MIA2: variants seen among roughly 807,000 people sequenced by gnomAD.
MIA2 encodes the protein MIA SH3 domain ER export factor 2.
In MIA2, 127 loss-of-function variants were observed where a neutral mutation model predicts 167.8. The observed-to-expected ratio is 0.76, with a 90% CI of 0.66 to 0.88. MIA2 has a LOEUF of 0.88. Among genes scored for constraint, MIA2 ranks in the 40% least tolerant of loss-of-function variants. The pLI, the probability that MIA2 is intolerant of heterozygous loss-of-function variation, is 0.00. For synonymous variants in MIA2, 552 were observed against 541.9 expected, an observed-to-expected ratio of 1.02 and a Z score of -0.26; for missense variants, 1,690 against 1,624.7, an observed-to-expected ratio of 1.04 and a Z score of -0.69.
chr14:39,385,465 C>G (rs1006326807), intron 23 of MIA2: 1 of 1,079,716 alleles, frequency 9.3e-7, no homozygotes, highest in Non-Finnish European at 1.4e-6. Flanking sequence ...AATCAACTCT[C>G]TCCAAAATAC....
intron 6 of MIA2, chr14:39,267,402 T>C (rs2056026619): frequency 6.2e-7 from 1 of 1,607,492 alleles, no homozygotes; most frequent in African/African-American, 1.3e-5. Context: ...CTCCGCCGTT[T>C]ATTGTGGCCC....
At chr14:39,321,706 TATA>T (rs1227253568) in intron 24 of MIA2, among the ~76,000 whole-genome samples, 14 of 152,024 alleles carry the variant, frequency 9.2e-5, no homozygotes, top group South Asian at 4.1e-4. Context: ...CTGCATGAAA[TATA>T]ATAACAGTAT....
At chr14:39,337,350 C>T (rs887461679) in intron 25 of MIA2, among the ~76,000 whole-genome samples, 3 of 152,148 alleles carry the variant, frequency 2.0e-5, no homozygotes, top group Non-Finnish European at 4.4e-5. Context: ...GACTTCAACA[C>T]CCCTCTCTCG....
chr14:39,286,225 T>G (rs1216477841), intron 9 of MIA2, among the ~76,000 whole-genome samples: 1 of 152,222 alleles, frequency 6.6e-6, no homozygotes, highest in East Asian at 1.9e-4. Flanking sequence ...GGCAGATCAC[T>G]CTTGGTTAGG....
chr14:39,242,165 A>G (rs540236348), intron 3 of MIA2, among the ~76,000 whole-genome samples: 2 of 152,354 alleles, frequency 1.3e-5, no homozygotes, highest in South Asian at 2.1e-4. Flanking sequence ...CAGTTTATGT[A>G]TACCAATTAT....
chr14:39,276,019 G>A (rs2057952639), intron 6 of MIA2, among the ~76,000 whole-genome samples: 1 of 152,160 alleles, frequency 6.6e-6, no homozygotes, highest in Non-Finnish European at 1.5e-5. Flanking sequence ...TTGCTGTAGA[G>A]GTTTTGGGTT....
chr14:39,267,482 C>T (rs1262052832), intron 6 of MIA2: 1 of 1,613,368 alleles, frequency 6.2e-7, no homozygotes, highest in African/African-American at 1.3e-5. Context: ...GGGGTTACCC[C>T]TCAACCGTAT....
chr14:39,238,952 G>A lies in MIA2; in HGVS notation c.250-1609G>A, dbSNP rs8013291. On this transcript the variant is annotated intron_variant, in intron 2 of 28. Coordinates refer to ENST00000640607, the MANE Select transcript of MIA2 (RefSeq NM_001329214.4). ...GATTAATACTTTCCATTGAAAAAAG[G>A]TTTATCTTTGATTGTATCATTATGG... Among the ~76,000 whole-genome samples the A allele has an allele frequency of 3.4e-4, 51 of 151,992 alleles. 1 individual carries two copies. Among genetic ancestry groups the A allele is most frequent in the African/African-American group, 1.2e-3 (51 of 41,458 alleles).
chr14:39,253,656 C>T (rs1276101503), intron 6 of MIA2: 2 of 141,306 alleles, frequency 1.4e-5, no homozygotes, highest in African/African-American at 2.7e-5. Flanking sequence ...AAAAAAAAAA[C>T]CTAAACTAAA....
downstream of MIA2, among the ~76,000 whole-genome samples, chr14:39,355,879 G>C (rs1045779659): frequency 5.9e-4 from 90 of 152,276 alleles, no homozygotes; most frequent in African/African-American, 1.9e-3. Flanking sequence ...TGTTGAACCA[G>C]CCCTGCATCC....
At chr14:39,370,578 G>T in intron 23 of MIA2, 1 of 366,016 alleles carries the variant, frequency 2.7e-6, no homozygotes, top group South Asian at 2.3e-5. Flanking sequence ...AGCCGCATTG[G>T]GGCTGCTCCG....
rs1566855417 is a variant in MIA2 at position 39,308,406 on chromosome 14, CAA to C, written c.2879-40_2879-39del. The C allele has an allele frequency of 2.4e-6, 3 of 1,262,812 alleles. No homozygotes were observed. In the African/African-American group the frequency reaches 4.7e-5, roughly 20 times the overall value. The allele number at this position is 1,262,812 out of a possible 1,614,324, so 78.2% of individuals were successfully genotyped here. The stretch of plus-strand genomic sequence containing the variant: ...CTTTCTGAAATGTTAATATGCAACT[CAA>C]AATGTTTCTCCTTTAATTATGACTT... On this transcript the variant is annotated intron_variant, in intron 17 of 28. Transcript: ENST00000640607.
chr14:39,278,977 A>G (rs541339534), intron 7 of MIA2, among the ~76,000 whole-genome samples: 67 of 152,220 alleles, frequency 4.4e-4, no homozygotes, highest in African/African-American at 1.6e-3. Flanking sequence ...CCTGGCCAAC[A>G]TGGTGAAACC....
At chr14:39,293,792 T>C (rs2061043694) in intron 11 of MIA2, among the ~76,000 whole-genome samples, 1 of 152,218 alleles carries the variant, frequency 6.6e-6, no homozygotes, top group Admixed American at 6.5e-5. Context: ...AACTTAAATG[T>C]TATGAAATAT....
At chr14:39,242,923 G>T (rs1314043959) in intron 3 of MIA2, among the ~76,000 whole-genome samples, 2 of 151,764 alleles carry the variant, frequency 1.3e-5, no homozygotes, top group African/African-American at 2.4e-5. Flanking sequence ...AGGAGTTCAA[G>T]ACCAGCCTGA....
At chr14:39,317,385 G>A (rs750801731) in intron 21 of MIA2, among the ~76,000 whole-genome samples, 6 of 152,094 alleles carry the variant, frequency 3.9e-5, no homozygotes, top group Non-Finnish European at 8.8e-5. Flanking sequence ...AAGTCACATG[G>A]TAACAGAGTT....
Position 39,358,848 on chromosome 14 carries a change from T to C in MIA2, c.2248+9871T>C, listed in dbSNP as rs1471984975. Among the ~76,000 whole-genome samples the C allele has an allele frequency of 2.6e-5, 4 of 152,260 alleles. No individual in the cohort carries two copies. In the East Asian group the frequency reaches 7.7e-4, roughly 29 times the overall value. ...ACCCTGTTTGCCTGGGTATCAGCAGTGGAGGCTGCAGAACAGCGGATATTG... is the reference window on the plus strand; with the variant it reads ...ACCCTGTTTGCCTGGGTATCAGCAGCGGAGGCTGCAGAACAGCGGATATTG... On this transcript the variant is annotated intron_variant, in intron 23 of 23. Transcript: ENST00000341502.
intron 6 of MIA2, among the ~76,000 whole-genome samples, chr14:39,256,636 A>G (rs1463532706): frequency 6.6e-6 from 1 of 152,204 alleles, no homozygotes; most frequent in Non-Finnish European, 1.5e-5. Flanking sequence ...TTGGAAAAAA[A>G]TGATTTTTAA....
chr14:39,263,798 A>AT (rs1028900396), intron 6 of MIA2, among the ~76,000 whole-genome samples: 5 of 151,524 alleles, frequency 3.3e-5, no homozygotes, highest in African/African-American at 7.3e-5. Flanking sequence ...TGCCCAGCTA[A>AT]TTTTTTGTAT....
Sources: gnomAD v4.1 joint callset for allele counts (sites outside exome capture counted in the v4.1 genomes callset) on GRCh38, gnomAD v4.1.1 for gene constraint, MANE v1.5 for transcripts, NCBI Gene and HGNC (gene_info 2026-07-23, HGNC 2026-07-21) for gene names.